Variants in IGFN1 observed in about 807,000 individuals in gnomAD.
IGFN1 encodes the protein immunoglobulin-like and fibronectin type III domain-containing protein 1.
IGFN1 carries 253 observed loss-of-function variants against 289.5 expected under a neutral mutation model. The observed-to-expected ratio is 0.87, with a 90% confidence interval of 0.79 to 0.97. The LOEUF is 0.97. IGFN1 is among the 50% of genes least tolerant of loss of function. IGFN1 has a pLI of 0.00. For synonymous variants in IGFN1, 1,706 were observed against 1,788.5 expected (o/e 0.95, Z 1.16); for missense variants, 4,470 against 4,686.1 (o/e 0.95, Z 1.35).
intron 10 of IGFN1, among the ~76,000 whole-genome samples, chr1:201,204,304 C>T (rs832158): frequency 0.086 from 13,042 of 152,292 alleles, 738 homozygotes; most frequent in Middle Eastern, 0.14. Flanking sequence ...CATCCTCACG[C>T]TCCATACAGA....
At chr1:201,201,402 G>A (rs1337942714) in intron 8 of IGFN1, among the ~76,000 whole-genome samples, 8 of 152,086 alleles carry the variant, frequency 5.3e-5, no homozygotes, top group Non-Finnish European at 7.3e-5. Flanking sequence ...GCTTTAACAC[G>A]GGACCTAGCA....
rs997530914 is a variant in IGFN1, at chr1:201,203,789, C to T, written c.799C>T (p.Arg267Cys). 48 of 1,551,678 alleles carry T rather than the reference C, an allele frequency of 3.1e-5. No individual in the cohort carries two copies. The highest frequency in any genetic ancestry group is 2.4e-4 in the Admixed American group (12 of 50,980). ...CAACAACCAAACCAAGCACTGTCTG[C>T]GCCGGCTGGGGAAGCGCTATGAGTT... ...GFNNQTKHCLRRLGKRYEFQI... is the reference protein window; with the variant it reads ...GFNNQTKHCLCRLGKRYEFQI... The change falls in exon 10 of 24, where the codon CGC becomes TGC. Residue 267 changes from arginine (R) to cysteine (C), a missense_variant. Around this residue, in one of 8 missense-constraint regions of IGFN1, gnomAD observed 2,011 missense variants for 1,953.4 expected, o/e 1.03. Transcript: ENST00000335211.
At chr1:201,199,473 C>T in intron 6 of IGFN1, 95 bp downstream of exon 6, 9 of 1,411,782 alleles carry the variant, frequency 6.4e-6, no homozygotes, top group Non-Finnish European at 6.9e-6. Flanking sequence ...CCATGAACAC[C>T]TTGTGGATCA....
rs1558141773 is a variant in IGFN1, at chr1:201,207,172, G to GC, written c.2281dup (p.Arg761ProfsTer45). On this transcript the variant is annotated frameshift_variant, in exon 12 of 24. Transcript: ENST00000335211. LOFTEE classifies it high-confidence loss of function. ...TCACTGCAGGAGGCAGATGGTATAT[G>GC]CCGGGGGGAGTCTGTAGTTACAGGA... 1 of 1,536,974 alleles carries GC rather than the reference G, an allele frequency of 6.5e-7. No individual in the cohort carries two copies. Among genetic ancestry groups the GC allele is most frequent in the Non-Finnish European group, 8.7e-7 (1 of 1,146,870 alleles).
In IGFN1 at chr1:201,195,975, G is replaced by T; in HGVS notation, c.264G>T (p.Leu88=). The change falls in exon 4 of 24, where the codon CTG becomes CTT. Residue 88 remains leucine (L), a synonymous_variant. Transcript: ENST00000335211. The part of the protein sequence containing the change: ...SSSPGSKEHV[L]QINKLTGEDT... ...GCCCTGGCAGCAAGGAGCACGTGCT[G>T]CAGGTAAGAACCGTAGCTCTTCCCC... is the stretch of plus-strand genomic sequence containing the variant. 6.4e-7 allele frequency: 1 copy of T among 1,551,696 alleles called. No homozygotes were observed. Among genetic ancestry groups the T allele is most frequent in the Non-Finnish European group, 8.7e-7 (1 of 1,146,976 alleles).
At chr1:201,221,803 G>A (rs1440739275) in intron 19 of IGFN1, 57 bp downstream of exon 19, 14 of 1,461,330 alleles carry the variant, frequency 9.6e-6, no homozygotes, top group Non-Finnish European at 1.8e-6. Context: ...CTAAGAGGGG[G>A]CCCCTGAGTA....
At chr1:201,225,249 G>T (rs1459086595) in intron 21 of IGFN1, among the ~76,000 whole-genome samples, 1 of 152,186 alleles carries the variant, frequency 6.6e-6, no homozygotes, top group African/African-American at 2.4e-5. Context: ...CCCAGCTGTG[G>T]CTCCACACAG....
intron 2 of IGFN1, among the ~76,000 whole-genome samples, chr1:201,193,819 G>A (rs139877152): frequency 3.3e-5 from 5 of 152,156 alleles, no homozygotes; most frequent in African/African-American, 4.8e-5. Context: ...GCCCCCACAC[G>A]AGCTCCTGCT....
Position 201,222,792 on chromosome 1 carries a change from G to T in IGFN1, c.10255G>T (p.Val3419Phe), listed in dbSNP as rs766027713. The change falls in exon 20 of 24, where the codon GTC (valine) becomes TTC (phenylalanine). Residue 3419 changes from valine to phenylalanine, a missense_variant. Around this residue, in one of 8 missense-constraint regions of IGFN1, gnomAD observed 2,218 missense variants for 2,114.1 expected, o/e 1.05. Coordinates refer to ENST00000335211, the MANE Select transcript of IGFN1 (RefSeq NM_001164586.2). The part of the protein sequence containing the change: ...SSTKDLLTVK[V>F]GDTVRVPVSF... ...CACCAAGGACTTGCTGACAGTCAAG[G>T]TCGGGGACACAGTTCGTGTGCCCGT... is the stretch of plus-strand genomic sequence containing the variant. The T allele has an allele frequency of 6.2e-7, 1 of 1,613,502 alleles. No individual in the cohort carries two copies. The highest frequency in any genetic ancestry group is 1.7e-5 in the Admixed American group (1 of 59,964).
intron 19 of IGFN1, chr1:201,222,511 C>T (rs1571494044): frequency 2.2e-6 from 1 of 447,788 alleles, no homozygotes; most frequent in Admixed American, 3.9e-5. Context: ...GTTCCTTTCT[C>T]AGCTCCTGTC....
chr1:201,222,191 A>T (rs1653778800), intron 19 of IGFN1: 1 of 159,684 alleles, frequency 6.3e-6, no homozygotes, highest in African/African-American at 2.4e-5. Flanking sequence ...CCCCGTTATT[A>T]TTGAAAAGAG....
At chr1:201,222,552 C>T (rs1404949236) in intron 19 of IGFN1, 187 bp from the exon 20 acceptor site, 2 of 500,676 alleles carry the variant, frequency 4.0e-6, no homozygotes, top group Admixed American at 3.6e-5. Flanking sequence ...CCATCAGCCC[C>T]TGGGGTCTCC....
chr1:201,199,411 C>T (rs1422112823), intron 6 of IGFN1, 33 bp downstream of exon 6: 1 of 1,545,412 alleles, frequency 6.5e-7, no homozygotes, highest in Non-Finnish European at 8.8e-7. Flanking sequence ...TCCTTGGGGG[C>T]CTGTGGGGGA....
Position 201,217,508 on chromosome 1 carries a change from C to T in IGFN1, c.9769+48C>T, listed in dbSNP as rs1332649970. On this transcript the variant is annotated intron_variant, in intron 17 of 23. Transcript: ENST00000335211. Reference sequence around the variant, plus strand: ...GAGCTTCCTTAGACCCCTCCTGGCTCCAGGATCCCAGGGACTTTTCAGTTC... The same window carrying T: ...GAGCTTCCTTAGACCCCTCCTGGCTTCAGGATCCCAGGGACTTTTCAGTTC... The T allele has an allele frequency of 1.9e-6, 3 of 1,586,584 alleles. No homozygotes were observed. In the African/African-American group the frequency reaches 4.0e-5, roughly 21 times the overall value.
In IGFN1 at chr1:201,200,828, C is replaced by CTTTTTTTTT. The variant is rs200585317; in HGVS notation, c.633+420_633+421insTTTTTTTTT. Among the ~76,000 whole-genome samples, 2 of 114,406 alleles carry CTTTTTTTTT rather than the reference C, an allele frequency of 1.7e-5. 1 individual carries two copies. Among genetic ancestry groups the CTTTTTTTTT allele is most frequent in the Non-Finnish European group, 3.7e-5 (2 of 53,840 alleles). 75.1% of individuals were successfully genotyped at this position (114,406 alleles called of 152,430 possible). A position where few individuals can be genotyped will look rare whatever the true frequency, so the allele number is the denominator to read the frequency against. On this transcript the variant is annotated intron_variant, in intron 8 of 23. Coordinates refer to ENST00000335211, the MANE Select transcript of IGFN1 (RefSeq NM_001164586.2). Reference sequence around the variant, plus strand: ...CGGGGGGGAGGTACCTGGTTTATTTCTTTCTTTTTTTTTTTTTTTTTAAGA... The same window carrying CTTTTTTTTT: ...CGGGGGGGAGGTACCTGGTTTATTTCTTTTTTTTTTTTCTTTTTTTTTTTTTTTTTAAGA...
intron 9 of IGFN1, 129 bp from the exon 10 acceptor site, chr1:201,203,609 G>A: frequency 1.2e-6 from 1 of 805,248 alleles, no homozygotes; most frequent in South Asian, 1.8e-5. Flanking sequence ...CTCCTCTATG[G>A]TTCCAGGAAT....
At position 201,216,549 on chromosome 1, in the gene IGFN1, C is replaced by G; in HGVS notation, c.9391C>G (p.Arg3131Gly). 1 of 1,613,260 alleles carries G rather than the reference C, an allele frequency of 6.2e-7. No homozygotes were observed. The highest frequency in any genetic ancestry group is 8.5e-7 in the Non-Finnish European group (1 of 1,179,740). ...GCGGCCCCCAAGGGACAATGGGGGCCGGACTGTAGAGTGCTACGTGGTGGA... is the reference window on the plus strand; with the variant it reads ...GCGGCCCCCAAGGGACAATGGGGGCGGGACTGTAGAGTGCTACGTGGTGGA... ...RWRPPRDNGG[R>G]TVECYVVERR... Residue 3131 changes from arginine to glycine, a missense_variant, in exon 16 of 24, where the codon CGG (arginine) becomes GGG (glycine). Physicochemically the swap from Arg to Gly is moderately radical, Grantham distance 125. Around this residue, in one of 8 missense-constraint regions of IGFN1, gnomAD observed 2,218 missense variants for 2,114.1 expected, o/e 1.05. Coordinates refer to ENST00000335211, the MANE Select transcript of IGFN1 (RefSeq NM_001164586.2).
At chr1:201,222,453 G>A (rs6427885) in intron 19 of IGFN1, 303,227 of 336,378 alleles carry the variant, frequency 0.9, 137,136 homozygotes, top group East Asian at 1. Flanking sequence ...TCTGCCACAT[G>A]TCTGCATCTT....
intron 3 of IGFN1, among the ~76,000 whole-genome samples, chr1:201,195,204 T>G (rs888833879): frequency 6.6e-6 from 1 of 151,764 alleles, no homozygotes; most frequent in African/African-American, 2.4e-5. Flanking sequence ...CAGGCTGGAG[T>G]GCAGTGGCGC....
Sources: gnomAD v4.1 joint callset for allele counts (sites outside exome capture counted in the v4.1 genomes callset) on GRCh38, gnomAD v4.1.1 for gene constraint, gnomAD v4.1.1 regional missense constraint, MANE v1.5 for transcripts, NCBI Gene and HGNC (gene_info 2026-07-23, HGNC 2026-07-21) for gene names.